The following CSMD3 variants were observed in gnomAD, a reference collection of about 807,000 sequenced individuals.
The protein encoded by CSMD3 is CUB and sushi domain-containing protein 3.
In CSMD3, 177 loss-of-function variants were observed where a neutral mutation model predicts 435.2. That is an observed-to-expected ratio of 0.41 (90% CI 0.36 to 0.46). The LOEUF is 0.46. Among genes scored for constraint, CSMD3 ranks in the 20% least tolerant of loss-of-function variants. The pLI, the probability that CSMD3 is intolerant of heterozygous loss-of-function variation, is 0.34. For synonymous variants in CSMD3, 1,656 were observed against 1,520.5 expected (o/e 1.09, Z -2.07); for missense variants, 4,265 against 4,504.6 (o/e 0.95, Z 1.52).
intron 3 of CSMD3, among the ~76,000 whole-genome samples, chr8:113,222,334 T>A (rs2092977411): frequency 6.6e-6 from 1 of 151,152 alleles, no homozygotes; most frequent in Non-Finnish European, 1.5e-5. Flanking sequence ...ATCTTTAAAT[T>A]TAGAAAACCT....
chr8:112,339,774 T>C (rs1322270849), intron 42 of CSMD3, among the ~76,000 whole-genome samples: 1 of 152,136 alleles, frequency 6.6e-6, no homozygotes, highest in Non-Finnish European at 1.5e-5. Flanking sequence ...AATCCAAAAA[T>C]AATATTGACT....
intron 42 of CSMD3, among the ~76,000 whole-genome samples, chr8:112,338,237 GA>G (rs925941073): frequency 2.2e-4 from 34 of 151,210 alleles, no homozygotes; most frequent in Admixed American, 4.6e-4. Flanking sequence ...TAAAGCACTG[GA>G]AAAAAATTTT....
intron 3 of CSMD3, among the ~76,000 whole-genome samples, chr8:113,207,234 T>C (rs1473818614): frequency 6.6e-6 from 1 of 152,176 alleles, no homozygotes; most frequent in African/African-American, 2.4e-5. Flanking sequence ...GGTGGCTACC[T>C]TGGGACCTTT....
At chr8:112,929,804 T>C (rs2130698640) in intron 9 of CSMD3, among the ~76,000 whole-genome samples, 1 of 152,180 alleles carries the variant, frequency 6.6e-6, no homozygotes, top group South Asian at 2.1e-4. Context: ...AAAATTACAA[T>C]ATACATACAC....
intron 22 of CSMD3, among the ~76,000 whole-genome samples, chr8:112,600,452 A>T (rs1325229704): frequency 6.6e-6 from 1 of 152,170 alleles, no homozygotes; most frequent in African/African-American, 2.4e-5. Flanking sequence ...CGCAACCGAT[A>T]AGAATGGTAT....
chr8:113,285,013 C>T (rs1484925125), intron 2 of CSMD3, among the ~76,000 whole-genome samples: 1 of 152,128 alleles, frequency 6.6e-6, no homozygotes, highest in African/African-American at 2.4e-5. Context: ...TAACTTCAGA[C>T]TTCAATCCAC....
At chr8:113,379,721 C>G (rs7837303) in intron 1 of CSMD3, among the ~76,000 whole-genome samples, 1 of 152,164 alleles carries the variant, frequency 6.6e-6, no homozygotes, top group Non-Finnish European at 1.5e-5. Context: ...AATATAATAT[C>G]TGTGTACTTT....
At chr8:113,194,388 A>G (rs1038976794) in intron 3 of CSMD3, among the ~76,000 whole-genome samples, 1 of 151,334 alleles carries the variant, frequency 6.6e-6, no homozygotes, top group Admixed American at 6.6e-5. Flanking sequence ...GTGAAGTTAA[A>G]AAAGAGAGGA....
intron 22 of CSMD3, among the ~76,000 whole-genome samples, chr8:112,622,921 G>A (rs948251670): frequency 1.3e-5 from 2 of 151,980 alleles, no homozygotes; most frequent in African/African-American, 2.4e-5. Flanking sequence ...GAGTCAGAGG[G>A]GTTAACTATG....
At chr8:112,796,064 G>A (rs2078822110) in intron 13 of CSMD3, among the ~76,000 whole-genome samples, 1 of 152,072 alleles carries the variant, frequency 6.6e-6, no homozygotes, top group Non-Finnish European at 1.5e-5. Context: ...ATTTTGATGT[G>A]TACCTGATGA....
intron 4 of CSMD3, among the ~76,000 whole-genome samples, chr8:113,167,177 T>C (rs2092167841): frequency 6.6e-6 from 1 of 152,164 alleles, no homozygotes; most frequent in African/African-American, 2.4e-5. Context: ...CATGTTTAAC[T>C]GTCAATAGAT....
chr8:112,801,661 T>C (rs184061358), intron 12 of CSMD3, among the ~76,000 whole-genome samples: 2 of 152,048 alleles, frequency 1.3e-5, no homozygotes, highest in Middle Eastern at 3.2e-3. Flanking sequence ...TTTTGGGGCA[T>C]GTGAACTTTC....
At chr8:113,257,516 C>G (rs1467930241) in intron 3 of CSMD3, among the ~76,000 whole-genome samples, 3 of 152,204 alleles carry the variant, frequency 2.0e-5, no homozygotes, top group African/African-American at 7.2e-5. Context: ...TCTGGAAGCT[C>G]TGTACCCTTT....
chr8:113,402,943 A>G (rs1378101546), intron 1 of CSMD3, among the ~76,000 whole-genome samples: 1 of 151,178 alleles, frequency 6.6e-6, no homozygotes, highest in Non-Finnish European at 1.5e-5. Flanking sequence ...TCTGAACATT[A>G]AGTTATAAAT....
intron 35 of CSMD3, among the ~76,000 whole-genome samples, chr8:112,404,497 C>T (rs1831601986): frequency 6.6e-6 from 1 of 151,380 alleles, no homozygotes. Context: ...CATTGCACTC[C>T]AGCCTGAGTG....
chr8:113,000,896 C>A (rs966798677), intron 6 of CSMD3, among the ~76,000 whole-genome samples: 7 of 152,044 alleles, frequency 4.6e-5, no homozygotes, highest in Admixed American at 6.6e-5. Flanking sequence ...CAAATATACT[C>A]TTGAACTTAA....
intron 5 of CSMD3, among the ~76,000 whole-genome samples, chr8:113,049,385 T>G (rs2131320116): frequency 6.6e-6 from 1 of 151,960 alleles, no homozygotes; most frequent in Middle Eastern, 3.4e-3. Context: ...ACTCTTTGAT[T>G]TTCTCTGTTC....
chr8:112,548,452 T>G (rs914220738), intron 27 of CSMD3, among the ~76,000 whole-genome samples: 1 of 152,174 alleles, frequency 6.6e-6, no homozygotes, highest in Admixed American at 6.6e-5. Context: ...AAGCATTTAG[T>G]ATGTACAAAG....
At chr8:112,960,184 C>T (rs2084175680) in intron 7 of CSMD3, among the ~76,000 whole-genome samples, 1 of 145,816 alleles carries the variant, frequency 6.9e-6, no homozygotes, top group Admixed American at 6.9e-5. Context: ...AAAAATTTAA[C>T]TTTTTTTTTT....
Sources: gnomAD v4.1 joint callset for allele counts (sites outside exome capture counted in the v4.1 genomes callset) on GRCh38, gnomAD v4.1.1 for gene constraint, MANE v1.5 for transcripts, NCBI Gene and HGNC (gene_info 2026-07-23, HGNC 2026-07-21) for gene names.